The following ZNF658 variants were observed in gnomAD, a reference collection of about 807,000 sequenced individuals.
The protein encoded by ZNF658 is zinc finger protein 658.
Under a neutral mutation model 78.0 loss-of-function variants are expected in ZNF658, and 46 were observed. The observed-to-expected ratio is 0.59, with a 90% confidence interval of 0.47 to 0.75. ZNF658 has a LOEUF of 0.75. Among genes scored for constraint, ZNF658 ranks in the 30% least tolerant of loss-of-function variants. The pLI, the probability that ZNF658 is intolerant of heterozygous loss-of-function variation, is 0.00. For missense variants in ZNF658, 785 were observed against 1,189.3 expected (o/e 0.66, Z 5.00); for synonymous variants, 279 against 408.4 (o/e 0.68, Z 3.82).
At chr9:66,908,461 G>C in intron 3 of ZNF658, 97 bp downstream of exon 3, 1 of 1,558,796 alleles carries the variant, frequency 6.4e-7, no homozygotes, top group South Asian at 1.2e-5. Context: ...AAAGGGCTTT[G>C]GATTAAAAGG....
intron 4 of ZNF658, 49 bp downstream of exon 4, chr9:66,908,783 G>C: frequency 1.9e-6 from 3 of 1,552,054 alleles, no homozygotes; most frequent in Non-Finnish European, 1.8e-6. Context: ...TTAGTCTTTA[G>C]AGGGAGAGCA....
At chr9:66,915,027 T>C (rs2118044794) in intron 4 of ZNF658, among the ~76,000 whole-genome samples, 1 of 151,266 alleles carries the variant, frequency 6.6e-6, no homozygotes, top group Admixed American at 6.6e-5. Context: ...TAAAACTATT[T>C]GGTCCAGAAG....
At chr9:66,922,188 A>G (rs1381698550), downstream of ZNF658, among the ~76,000 whole-genome samples, 4 of 144,506 alleles carry the variant, frequency 2.8e-5, no homozygotes, top group Non-Finnish European at 6.1e-5. Flanking sequence ...CCATTTGCTA[A>G]GGCCATTGGA....
chr9:66,914,635 A>T (rs1457338116), intron 4 of ZNF658, among the ~76,000 whole-genome samples: 1 of 152,056 alleles, frequency 6.6e-6, no homozygotes, highest in Admixed American at 6.6e-5. Context: ...TTTTGTTAAA[A>T]TTTTTGGCAT....
In ZNF658 at chr9:66,921,358, C is replaced by A. The variant is rs1237214064; in HGVS notation, c.*612C>A. ...ATTAAAACAGAAATTTTAGGGAAAA[C>A]CACAAAAACCTTCGTAAAGTGAATT... On this transcript the variant is annotated 3_prime_UTR_variant, in exon 5 of 5. Coordinates refer to ENST00000621410, the MANE Select transcript of ZNF658 (RefSeq NM_033160.7). The A allele has an allele frequency of 2.0e-5, 3 of 151,828 alleles. No homozygotes were observed. Among genetic ancestry groups the A allele is most frequent in the African/African-American group, 7.3e-5 (3 of 41,226 alleles). 9.4% of individuals were successfully genotyped at this position (151,828 alleles called of 1,614,324 possible).
intron 4 of ZNF658, among the ~76,000 whole-genome samples, chr9:66,910,924 C>A (rs539418748): frequency 6.6e-6 from 1 of 151,680 alleles, no homozygotes; most frequent in Non-Finnish European, 1.5e-5. Flanking sequence ...AGGAAAAGCT[C>A]TCATTCAAGA....
At chr9:66,901,871 G>T (rs1318134447) in intron 1 of ZNF658, among the ~76,000 whole-genome samples, 5 of 152,122 alleles carry the variant, frequency 3.3e-5, no homozygotes, top group African/African-American at 1.2e-4. Context: ...TCGAACCCGA[G>T]GCGGACGCTG....
intron 4 of ZNF658, among the ~76,000 whole-genome samples, chr9:66,915,500 C>T (rs1405659484): frequency 6.6e-6 from 1 of 150,864 alleles, no homozygotes; most frequent in Non-Finnish European, 1.5e-5. Flanking sequence ...AGTGAGTGGT[C>T]TGTAAACCAG....
chr9:66,902,771 C>T (rs1360042665), intron 1 of ZNF658: 3 of 152,270 alleles, frequency 2.0e-5, no homozygotes, highest in South Asian at 4.2e-4. Context: ...CATAAAACAT[C>T]CCATCTTTAT....
intron 2 of ZNF658, among the ~76,000 whole-genome samples, 177 bp downstream of exon 2, chr9:66,903,753 A>C (rs1269011397): frequency 6.6e-6 from 1 of 152,162 alleles, no homozygotes; most frequent in African/African-American, 2.4e-5. Flanking sequence ...AGATCCTCCG[A>C]TATTACAAAT....
At chr9:66,928,696 C>CA (rs61272144) in intron 6 of ZNF658, among the ~76,000 whole-genome samples, 48,330 of 128,684 alleles carry the variant, frequency 0.38, 8,786 homozygotes, top group South Asian at 0.46. Flanking sequence ...ACTAAAAATA[C>CA]AAAAAAAAAA....
intron 2 of ZNF658, among the ~76,000 whole-genome samples, chr9:66,907,297 A>G (rs1044201582): frequency 1.2e-4 from 19 of 152,206 alleles, no homozygotes; most frequent in African/African-American, 4.6e-4. Context: ...AGTTCTAGCT[A>G]CGTATCAACA....
intron 1 of ZNF658, among the ~76,000 whole-genome samples, chr9:66,902,698 C>T (rs1248945017): frequency 3.3e-5 from 5 of 150,732 alleles, no homozygotes; most frequent in Admixed American, 6.6e-5. Context: ...TGCCTCTTTC[C>T]GGGTAGTAGA....
At position 66,921,299 on chromosome 9, in the gene ZNF658, A is replaced by G. The variant is rs567988449; in HGVS notation, c.*553A>G. 1 of 154,130 alleles carries G rather than the reference A, an allele frequency of 6.5e-6. No homozygotes were observed. The highest frequency in any genetic ancestry group is 1.4e-5 in the Non-Finnish European group (1 of 69,362). 9.5% of individuals were successfully genotyped at this position (154,130 alleles called of 1,614,324 possible). A position where few individuals can be genotyped will look rare whatever the true frequency, so the allele number is the denominator to read the frequency against. ...ATCAGAGACGTCACATGAAGAAGAA[A>G]ACTTGTCGACATCCAGGATGATCAG... On this transcript the variant is annotated 3_prime_UTR_variant, in exon 5 of 5. Transcript: ENST00000621410.
intron 4 of ZNF658, among the ~76,000 whole-genome samples, chr9:66,910,027 T>A (rs1004164069): frequency 6.6e-6 from 1 of 152,162 alleles, no homozygotes; most frequent in African/African-American, 2.4e-5. Flanking sequence ...AATACTCTGG[T>A]GTTTCTTCCG....
intron 4 of ZNF658, among the ~76,000 whole-genome samples, chr9:66,909,589 G>GAA (rs1438258140): frequency 2.0e-5 from 3 of 151,858 alleles, no homozygotes; most frequent in Non-Finnish European, 4.4e-5. Context: ...TCCTAGGAGT[G>GAA]AAACTGCTGG....
chr9:66,907,089 C>T, intron 2 of ZNF658, among the ~76,000 whole-genome samples: 1 of 150,794 alleles, frequency 6.6e-6, no homozygotes, highest in Non-Finnish European at 1.5e-5. Context: ...GGCTTTGTGG[C>T]CTGTACTTTT....
rs1587358439 is a variant in ZNF658 at position 66,909,087 on chromosome 9, A to G, written c.238+353A>G. Among the ~76,000 whole-genome samples, 7 of 152,036 alleles carry G rather than the reference A, an allele frequency of 4.6e-5. No homozygotes were observed. The South Asian group carries it at 1.5e-3, about 32-fold the overall frequency. ...TGTGCATAGGTTATATGCAAATACT[A>G]TGCCATTTTGTATCAAGGACTTGGG... On this transcript the variant is annotated intron_variant, in intron 4 of 4. Coordinates refer to ENST00000621410, the MANE Select transcript of ZNF658 (RefSeq NM_033160.7).
At chr9:66,907,844 T>A (rs1237959359) in intron 2 of ZNF658, among the ~76,000 whole-genome samples, 2 of 151,986 alleles carry the variant, frequency 1.3e-5, no homozygotes, top group Non-Finnish European at 2.9e-5. Flanking sequence ...CTACCCTATA[T>A]AAAGTTTGGT....
Sources: gnomAD v4.1 joint callset for allele counts (sites outside exome capture counted in the v4.1 genomes callset) on GRCh38, gnomAD v4.1.1 for gene constraint, MANE v1.5 for transcripts, NCBI Gene and HGNC (gene_info 2026-07-23, HGNC 2026-07-21) for gene names.